PTGES3: variants seen among roughly 807,000 people sequenced by gnomAD.
The protein encoded by PTGES3 is Hsp90 co-chaperone.
A neutral mutation model predicts 29.9 loss-of-function variants in PTGES3; 5 were observed. That is an observed-to-expected ratio of 0.17 (90% CI 0.09 to 0.35). The LOEUF (loss-of-function observed/expected upper bound fraction) is 0.35. Among genes scored for constraint, PTGES3 ranks in the 10% least tolerant of loss-of-function variants. The pLI is 1.00. For missense variants in PTGES3, 128 were observed against 190.0 expected (o/e 0.67, Z 1.92); for synonymous variants, 49 against 57.8 (o/e 0.85, Z 0.69).
Position 56,664,436 on chromosome 12 carries a change from A to C in PTGES3, c.*43T>G. ...CTCTCAATTATGAAATCTTGCAGAG[A>C]AGTTATTTTTCTTTCTCAAAATCCA... On this transcript the variant is annotated 3_prime_UTR_variant, in exon 8 of 8. Coordinates refer to ENST00000262033, the MANE Select transcript of PTGES3 (RefSeq NM_006601.7). 6.3e-7 allele frequency: 1 copy of C among 1,596,152 alleles called. No homozygotes were observed. The highest frequency in any genetic ancestry group is 1.1e-5 in the South Asian group (1 of 88,138).
Position 56,669,007 on chromosome 12 carries a change from A to ATTTTTTTT in PTGES3, c.375+1260_375+1267dup, listed in dbSNP as rs577249197. On this transcript the variant is annotated intron_variant, in intron 5 of 7. Transcript: ENST00000262033. ...TCTCATGGTAAACATTTCACCATGA[A>ATTTTTTTT]TTTTTTTTTTTTTTTTTTTGGAGAC... 4.3e-3 allele frequency among the ~76,000 whole-genome samples: 414 copies of ATTTTTTTT among 96,964 alleles called. 22 individuals carry two copies. Among genetic ancestry groups the ATTTTTTTT allele is most frequent in the Admixed American group, 0.012 (84 of 7,274 alleles). 63.6% of individuals were successfully genotyped at this position (96,964 alleles called of 152,430 possible).
At chr12:56,686,429 A>T (rs950843203) in intron 1 of PTGES3, among the ~76,000 whole-genome samples, 10 of 152,060 alleles carry the variant, frequency 6.6e-5, no homozygotes, top group Admixed American at 3.9e-4. Context: ...GCTGGAGTGC[A>T]ATGGCATGAT....
rs969097913 is a variant in PTGES3 at position 56,687,406 on chromosome 12, C to G, written c.2+592G>C. 21 of 987,368 alleles carry G rather than the reference C, an allele frequency of 2.1e-5. No individual in the cohort carries two copies. The East Asian group carries it at 3.4e-4, about 16-fold the overall frequency. The allele number at this position is 987,368 out of a possible 1,614,324, so 61.2% of individuals were successfully genotyped here. A position where few individuals can be genotyped will look rare whatever the true frequency, so the allele number is the denominator to read the frequency against. On this transcript the variant is annotated intron_variant, in intron 1 of 7. Transcript: ENST00000262033. ...CAAGAGACTGGAGTTAGGAGGCGGA[C>G]TGGAAGTACCCACACTCAAGAAACC...
intron 4 of PTGES3, 136 bp downstream of exon 4, chr12:56,671,613 C>CA (rs1412459315): frequency 2.6e-5 from 12 of 467,164 alleles, no homozygotes; most frequent in Admixed American, 8.4e-5. Flanking sequence ...ACTGAGTAGA[C>CA]AAAAAACATG....
chr12:56,686,156 C>T (rs920712391), intron 1 of PTGES3, among the ~76,000 whole-genome samples: 2 of 151,980 alleles, frequency 1.3e-5, no homozygotes, highest in Non-Finnish European at 2.9e-5. Flanking sequence ...CTCATGTGGC[C>T]TCCATCAAAT....
chr12:56,683,343 C>G (rs1427019908), intron 1 of PTGES3, among the ~76,000 whole-genome samples: 1 of 151,432 alleles, frequency 6.6e-6, no homozygotes, highest in Non-Finnish European at 1.5e-5. Flanking sequence ...CATGGTGGCG[C>G]ATGCCTGTGA....
intron 1 of PTGES3, among the ~76,000 whole-genome samples, chr12:56,684,076 A>G (rs1210643672): frequency 6.6e-6 from 1 of 152,180 alleles, no homozygotes; most frequent in Non-Finnish European, 1.5e-5. Context: ...TGCTCACTAG[A>G]GTATTTTTTG....
At chr12:56,678,922 G>A (rs1952394562) in intron 1 of PTGES3, among the ~76,000 whole-genome samples, 1 of 152,130 alleles carries the variant, frequency 6.6e-6, no homozygotes, top group Admixed American at 6.6e-5. Context: ...TTCAAGACCA[G>A]CCTGGGCAAC....
intron 6 of PTGES3, chr12:56,665,101 T>C (rs1951736463): frequency 9.1e-6 from 9 of 985,148 alleles, no homozygotes; most frequent in Non-Finnish European, 9.6e-6. Context: ...CATGGATCAA[T>C]ATGAAGAAAA....
chr12:56,670,194 T>C, intron 5 of PTGES3, 81 bp downstream of exon 5: 1 of 919,268 alleles, frequency 1.1e-6, no homozygotes, highest in Non-Finnish European at 1.8e-6. Context: ...TACCATTAGG[T>C]GCCCAAAACC....
intron 5 of PTGES3, 43 bp downstream of exon 5, chr12:56,670,232 C>T (rs772283167): frequency 2.3e-6 from 3 of 1,288,312 alleles, no homozygotes; most frequent in African/African-American, 2.9e-5. Context: ...TAGACAGGTA[C>T]CGTGTGCTTC....
At chr12:56,664,642 T>C in intron 7 of PTGES3, 134 bp downstream of exon 7, 2 of 1,379,174 alleles carry the variant, frequency 1.5e-6, no homozygotes, top group Non-Finnish European at 1.0e-6. Context: ...GTTATTCACA[T>C]TTCTGCTTTG....
intron 1 of PTGES3, among the ~76,000 whole-genome samples, chr12:56,677,516 G>A (rs537086889): frequency 2.0e-5 from 3 of 151,966 alleles, no homozygotes; most frequent in Non-Finnish European, 4.4e-5. Flanking sequence ...TTGGAAAAAC[G>A]AATTTACATT....
At chr12:56,679,461 G>A (rs1351083135) in intron 1 of PTGES3, among the ~76,000 whole-genome samples, 1 of 147,520 alleles carries the variant, frequency 6.8e-6, no homozygotes. Flanking sequence ...GGGGTTTATT[G>A]TTGTTTTGCT....
At chr12:56,683,002 A>G (rs188370709) in intron 1 of PTGES3, among the ~76,000 whole-genome samples, 1 of 151,944 alleles carries the variant, frequency 6.6e-6, no homozygotes, top group Non-Finnish European at 1.5e-5. Context: ...TCAAGAAAAA[A>G]AAAAAAATTT....
intron 1 of PTGES3, among the ~76,000 whole-genome samples, chr12:56,674,900 A>G (rs1952164440): frequency 7.2e-6 from 1 of 138,444 alleles, no homozygotes; most frequent in Non-Finnish European, 1.5e-5. Context: ...GCTACTCAGG[A>G]GGCTGAGTCA....
Position 56,672,724 on chromosome 12 carries a change from C to G in PTGES3, c.186+16G>C. 1 of 1,537,282 alleles carries G rather than the reference C, an allele frequency of 6.5e-7. No homozygotes were observed. The highest frequency in any genetic ancestry group is 1.3e-5 in the South Asian group (1 of 79,690). On this transcript the variant is annotated intron_variant, in intron 3 of 7. Transcript: ENST00000262033. ...CTCACAACTAAAATTTGGATTAAAG[C>G]ATAAAGACTACTTACATTTGGATCA... is the stretch of plus-strand genomic sequence containing the variant.
At chr12:56,669,196 A>T (rs1220268652) in intron 5 of PTGES3, among the ~76,000 whole-genome samples, 3 of 149,754 alleles carry the variant, frequency 2.0e-5, no homozygotes, top group Non-Finnish European at 4.5e-5. Context: ...GTTTTATTTA[A>T]TTATTTATTA....
chr12:56,678,957 A>T (rs947142082), intron 1 of PTGES3, among the ~76,000 whole-genome samples: 2 of 152,030 alleles, frequency 1.3e-5, no homozygotes, highest in African/African-American at 4.8e-5. Context: ...TCTCTGCCAA[A>T]AAGAAAAAAA....
Sources: gnomAD v4.1 joint callset for allele counts (sites outside exome capture counted in the v4.1 genomes callset) on GRCh38, gnomAD v4.1.1 for gene constraint, MANE v1.5 for transcripts, NCBI Gene and HGNC (gene_info 2026-07-23, HGNC 2026-07-21) for gene names.